The following MINDY2 variants were observed in gnomAD, a reference collection of about 807,000 sequenced individuals.
The protein encoded by MINDY2 is ubiquitin carboxyl-terminal hydrolase MINDY-2.
A neutral mutation model predicts 68.2 loss-of-function variants in MINDY2; 52 were observed. That is an observed-to-expected ratio of 0.76 (90% CI 0.61 to 0.96). The LOEUF (loss-of-function observed/expected upper bound fraction) is 0.96, where lower values mean the gene tolerates loss of function less well. MINDY2 is among the 40% of genes least tolerant of loss of function. MINDY2 has a pLI of 0.00. For synonymous variants in MINDY2, 372 were observed against 303.0 expected (o/e 1.23, Z -2.36); for missense variants, 881 against 773.4 (o/e 1.14, Z -1.65).
At chr15:58,809,635 G>A (rs1160588826) in intron 3 of MINDY2, among the ~76,000 whole-genome samples, 1 of 152,132 alleles carries the variant, frequency 6.6e-6, no homozygotes, top group Non-Finnish European at 1.5e-5. Flanking sequence ...GGACTTTGTG[G>A]TCTAAAATAG....
At chr15:58,802,842 G>A (rs184852276) in intron 3 of MINDY2, among the ~76,000 whole-genome samples, 24 of 152,276 alleles carry the variant, frequency 1.6e-4, no homozygotes, top group Admixed American at 4.6e-4. Flanking sequence ...TTCTTGGCAT[G>A]TTCTTTAGAG....
rs191107004 is a variant in MINDY2, at chr15:58,847,223, A to C, written c.1369-74A>C. The C allele has an allele frequency of 4.1e-6, 5 of 1,221,426 alleles. No homozygotes were observed. The Admixed American group carries it at 8.9e-5, about 22-fold the overall frequency. 75.7% of individuals were successfully genotyped at this position (1,221,426 alleles called of 1,614,324 possible). ...TATATTCTGAAGATACAGATTGTAA[A>C]ACTTTCCTTAAATATTATATTACTA... On this transcript the variant is annotated intron_variant, in intron 6 of 8. Transcript: ENST00000559228.
chr15:58,813,938 T>C (rs1363146152), intron 4 of MINDY2, among the ~76,000 whole-genome samples: 1 of 151,384 alleles, frequency 6.6e-6, no homozygotes, highest in African/African-American at 2.4e-5. Context: ...TTTCTTTTTT[T>C]TTTTTTTTTT....
chr15:58,780,857 C>G (rs1595701172), intron 1 of MINDY2, among the ~76,000 whole-genome samples: 1 of 152,114 alleles, frequency 6.6e-6, no homozygotes, highest in Non-Finnish European at 1.5e-5. Context: ...TAGTTCAGGC[C>G]TTTATCTCTC....
intron 3 of MINDY2, among the ~76,000 whole-genome samples, chr15:58,803,945 GAAAAAA>G (rs34082956): frequency 5.2e-4 from 40 of 77,232 alleles, no homozygotes; most frequent in African/African-American, 1.8e-3. Context: ...CAGCTCTACT[GAAAAAA>G]AAAAAAAAAA....
At chr15:58,794,867 T>C (rs1902176039) in intron 2 of MINDY2, among the ~76,000 whole-genome samples, 1 of 152,092 alleles carries the variant, frequency 6.6e-6, no homozygotes, top group Non-Finnish European at 1.5e-5. Flanking sequence ...AATTTAGAAG[T>C]CATCAGTATA....
intron 6 of MINDY2, among the ~76,000 whole-genome samples, chr15:58,841,659 C>T (rs1432811150): frequency 6.6e-6 from 1 of 152,178 alleles, no homozygotes; most frequent in Non-Finnish European, 1.5e-5. Context: ...CCTGCCTCGG[C>T]CTCCCAGAGT....
intron 2 of MINDY2, among the ~76,000 whole-genome samples, chr15:58,797,732 C>T (rs1343834928): frequency 2.0e-5 from 3 of 152,268 alleles, no homozygotes; most frequent in African/African-American, 2.4e-5. Flanking sequence ...CTTCCCTGCT[C>T]GTTATCACTA....
rs530357358 is a variant in MINDY2, at chr15:58,801,004, C to T, written c.899-1309C>T. ...TGTTTTTGTTTTTGAGACAGAGTCT[C>T]GCTGCATCACCCAGGCTGGAGTACA... On this transcript the variant is annotated intron_variant, in intron 2 of 8. Coordinates refer to ENST00000559228, the MANE Select transcript of MINDY2 (RefSeq NM_001040450.3). Among the ~76,000 whole-genome samples, 9 of 152,128 alleles carry T rather than the reference C, an allele frequency of 5.9e-5. No individual in the cohort carries two copies. In the South Asian group the frequency reaches 6.2e-4, roughly 11 times the overall value.
At chr15:58,837,721 T>C (rs928351380) in intron 6 of MINDY2, among the ~76,000 whole-genome samples, 8 of 151,782 alleles carry the variant, frequency 5.3e-5, no homozygotes, top group African/African-American at 1.9e-4. Context: ...ATTGCAGTAC[T>C]TTGAGAGGCA....
chr15:58,844,286 G>T (rs1329249598), intron 6 of MINDY2, among the ~76,000 whole-genome samples: 4 of 151,946 alleles, frequency 2.6e-5, no homozygotes, highest in Admixed American at 2.6e-4. Context: ...GGTGGCTCAC[G>T]CCTGTAATCC....
At chr15:58,789,140 A>C (rs1166112234) in intron 2 of MINDY2, among the ~76,000 whole-genome samples, 1 of 152,224 alleles carries the variant, frequency 6.6e-6, no homozygotes, top group Non-Finnish European at 1.5e-5. Context: ...GATCAAGAAC[A>C]TCCTGGCTAA....
intron 1 of MINDY2, among the ~76,000 whole-genome samples, chr15:58,787,164 T>TC (rs1555428182): frequency 3.4e-5 from 5 of 145,510 alleles, no homozygotes; most frequent in Admixed American, 2.1e-4. Flanking sequence ...TTTTTTTTTT[T>TC]ACTCTGTTGC....
intron 1 of MINDY2, among the ~76,000 whole-genome samples, chr15:58,782,644 G>A (rs9744045): frequency 6.6e-6 from 1 of 151,904 alleles, no homozygotes; most frequent in East Asian, 1.9e-4. Context: ...ATTTCATTGA[G>A]TGGAAAGTGT....
intron 5 of MINDY2, among the ~76,000 whole-genome samples, chr15:58,828,514 C>G (rs2031536835): frequency 1.3e-5 from 2 of 150,722 alleles, no homozygotes; most frequent in Admixed American, 1.3e-4. Context: ...CTTTCATGTT[C>G]TCTAATAACT....
In MINDY2 at chr15:58,853,248, T is replaced by C. The variant is rs1409530347; in HGVS notation, c.1738-1234T>C. On this transcript the variant is annotated intron_variant, in intron 8 of 8. Coordinates refer to ENST00000559228, the MANE Select transcript of MINDY2 (RefSeq NM_001040450.3). ...GATTACAGGTGTGAGGCACCACGCC[T>C]GGCCTAAACTGTTCATTTTGATTCA... Among the ~76,000 whole-genome samples the C allele has an allele frequency of 3.3e-5, 5 of 151,856 alleles. No individual in the cohort carries two copies. In the East Asian group the frequency reaches 9.7e-4, roughly 29 times the overall value.
Position 58,855,353 on chromosome 15 carries a change from CTTTAT to C in MINDY2, c.*744_*748del, listed in dbSNP as rs1323808035. 6.6e-6 allele frequency: 1 copy of C among 152,488 alleles called. No homozygotes were observed. Among genetic ancestry groups the C allele is most frequent in the Admixed American group, 6.5e-5 (1 of 15,270 alleles). The allele number at this position is 152,488 out of a possible 1,614,324, so 9.4% of individuals were successfully genotyped here. A position where few individuals can be genotyped will look rare whatever the true frequency, so the allele number is the denominator to read the frequency against. ...GTAAAATTTTGAGGAATTTTGGAGT[CTTTAT>C]CATAGGTAACCTGGACCACAGTTAC... On this transcript the variant is annotated 3_prime_UTR_variant, in exon 9 of 9. Transcript: ENST00000559228.
chr15:58,804,600 T>C (rs2013098), intron 3 of MINDY2, among the ~76,000 whole-genome samples: 24,759 of 151,890 alleles, frequency 0.16, 2,245 homozygotes, highest in South Asian at 0.33. Context: ...TTGAGCCCAG[T>C]AGTGAGACCA....
chr15:58,848,872 G>GT (rs2032673080), intron 7 of MINDY2, among the ~76,000 whole-genome samples: 2 of 152,118 alleles, frequency 1.3e-5, no homozygotes, highest in South Asian at 4.1e-4. Flanking sequence ...TTTTTTAAAC[G>GT]TTAAGAGAAA....
Sources: allele counts gnomAD v4.1 joint callset (sites outside exome capture counted in the v4.1 genomes callset), GRCh38; gene constraint gnomAD v4.1.1; transcripts MANE v1.5; gene names NCBI Gene and HGNC (gene_info 2026-07-23, HGNC 2026-07-21).